The following VPS54 variants were observed in gnomAD, a reference collection of about 807,000 sequenced individuals.
The protein encoded by VPS54 is vacuolar protein sorting-associated protein 54.
VPS54 carries 45 observed loss-of-function variants against 121.5 expected under a neutral mutation model. The ratio of observed to expected loss-of-function variants is 0.37; its 90% confidence interval spans 0.29 to 0.47. The LOEUF (loss-of-function observed/expected upper bound fraction) is 0.47. VPS54 is among the 20% of genes least tolerant of loss of function. VPS54 has a pLI of 0.99. For missense variants in VPS54, 1,090 were observed against 1,131.4 expected, an observed-to-expected ratio of 0.96 and a Z score of 0.52; for synonymous variants, 371 against 385.8, an observed-to-expected ratio of 0.96 and a Z score of 0.45.
At chr2:64,003,656 C>T (rs1677989704) in intron 1 of VPS54, among the ~76,000 whole-genome samples, 1 of 151,850 alleles carries the variant, frequency 6.6e-6, no homozygotes, top group African/African-American at 2.4e-5. Flanking sequence ...GCCAATAATA[C>T]TTAAGTAATA....
In VPS54 at chr2:63,965,883, A is replaced by C. The variant is rs774958733; in HGVS notation, c.576T>G (p.Gly192=). The change falls in exon 6 of 23, where the codon GGT becomes GGG. Residue 192 remains glycine, a synonymous_variant. Coordinates refer to ENST00000272322, the MANE Select transcript of VPS54 (RefSeq NM_016516.3). ...AAGCTGCATCACGATTTCCTTTTCC[A>C]CCAGCAGTATTAAAATGAGACCATG... The part of the protein sequence containing the change: ...VLPWSHFNTA[G]GKGNRDAASS... The C allele has an allele frequency of 6.2e-7, 1 of 1,613,082 alleles. No homozygotes were observed. Among genetic ancestry groups the C allele is most frequent in the Middle Eastern group, 1.7e-4 (1 of 6,054 alleles).
chr2:63,935,492 G>T (rs1479377798), intron 11 of VPS54, among the ~76,000 whole-genome samples: 1 of 151,736 alleles, frequency 6.6e-6, no homozygotes, highest in African/African-American at 2.4e-5. Flanking sequence ...ATCTTGTTTT[G>T]CGTCTTTTTC....
chr2:63,940,049 C>A (rs545701699), intron 11 of VPS54, among the ~76,000 whole-genome samples: 11 of 152,126 alleles, frequency 7.2e-5, no homozygotes, highest in African/African-American at 2.7e-4. Context: ...AGCCATGGTG[C>A]CTGGCCCTGT....
At chr2:63,944,532 A>G in intron 10 of VPS54, 68 bp downstream of exon 10, 2 of 1,436,222 alleles carry the variant, frequency 1.4e-6, no homozygotes, top group Non-Finnish European at 1.9e-6. Context: ...TCTACTTCGA[A>G]TTATTCTAAT....
In VPS54 at chr2:63,981,888, C is replaced by T. The variant is rs1676816378; in HGVS notation, c.137-1G>A. 1.9e-6 allele frequency: 3 copies of T among 1,605,042 alleles called. No individual in the cohort carries two copies. The highest frequency in any genetic ancestry group is 2.6e-6 in the Non-Finnish European group (3 of 1,176,080). On this transcript the variant is annotated splice_acceptor_variant, in intron 2 of 22. Coordinates refer to ENST00000272322, the MANE Select transcript of VPS54 (RefSeq NM_016516.3). LOFTEE classifies it high-confidence loss of function. The stretch of plus-strand genomic sequence containing the variant: ...GCAACATATAAACTATGTGAATCAC[C>T]TGCAAAAAGTAAACAAGAGAACTCT...
intron 3 of VPS54, chr2:63,975,156 A>C (rs1676467016): frequency 9.2e-5 from 74 of 807,528 alleles, no homozygotes; most frequent in East Asian, 1.4e-4. Flanking sequence ...AGTGATTCTC[A>C]TGCCTCAGCC....
At chr2:63,915,178 A>AAAAAAG (rs1673325739) in intron 16 of VPS54, among the ~76,000 whole-genome samples, 1 of 148,528 alleles carries the variant, frequency 6.7e-6, no homozygotes, top group South Asian at 2.1e-4. Flanking sequence ...AAAAAAAAAA[A>AAAAAAG]GTTTTCCGAA....
At chr2:64,012,628 C>T (rs1678481155) in intron 1 of VPS54, among the ~76,000 whole-genome samples, 1 of 151,692 alleles carries the variant, frequency 6.6e-6, no homozygotes, top group African/African-American at 2.4e-5. Context: ...CTTCCTGCTT[C>T]ATCTGGGACC....
intron 11 of VPS54, among the ~76,000 whole-genome samples, chr2:63,935,882 C>A (rs531455818): frequency 6.6e-6 from 1 of 151,846 alleles, no homozygotes; most frequent in Non-Finnish European, 1.5e-5. Flanking sequence ...TTGGCTTAAT[C>A]GATAAAGGAA....
chr2:63,945,025 T>A (rs1458908457), intron 9 of VPS54, among the ~76,000 whole-genome samples: 1 of 152,086 alleles, frequency 6.6e-6, no homozygotes, highest in Non-Finnish European at 1.5e-5. Context: ...AATCCAGCAA[T>A]CCCATTACTG....
chr2:63,910,095 A>G (rs1346901554), intron 20 of VPS54, among the ~76,000 whole-genome samples: 1 of 152,196 alleles, frequency 6.6e-6, no homozygotes, highest in Non-Finnish European at 1.5e-5. Context: ...ATATTTTCAG[A>G]TTAGAACATG....
intron 16 of VPS54, among the ~76,000 whole-genome samples, chr2:63,914,561 T>C (rs1673294452): frequency 6.6e-6 from 1 of 152,124 alleles, no homozygotes; most frequent in African/African-American, 2.4e-5. Flanking sequence ...AGTGGCTCCT[T>C]AAATTCTGTA....
chr2:63,931,677 CT>C (rs2104479869), intron 12 of VPS54, among the ~76,000 whole-genome samples: 1 of 152,316 alleles, frequency 6.6e-6, no homozygotes, highest in East Asian at 1.9e-4. Context: ...AACGGAAGAG[CT>C]TCTGCACAGC....
At chr2:63,995,499 G>A (rs1677538444) in intron 1 of VPS54, among the ~76,000 whole-genome samples, 1 of 152,212 alleles carries the variant, frequency 6.6e-6, no homozygotes, top group Non-Finnish European at 1.5e-5. Flanking sequence ...TTTAATTGCT[G>A]TGATCATGGG....
intron 12 of VPS54, among the ~76,000 whole-genome samples, chr2:63,921,942 T>C (rs1673665584): frequency 6.6e-6 from 1 of 152,246 alleles, no homozygotes; most frequent in South Asian, 2.1e-4. Flanking sequence ...GGGACAGTTG[T>C]GCATAGGCAC....
intron 1 of VPS54, among the ~76,000 whole-genome samples, chr2:63,986,425 G>A (rs529935038): frequency 5.3e-5 from 8 of 152,206 alleles, no homozygotes; most frequent in East Asian, 1.9e-4. Flanking sequence ...TCCATCTGTT[G>A]CAAATGACAA....
At chr2:63,958,427 A>C (rs1324871930) in intron 7 of VPS54, among the ~76,000 whole-genome samples, 1 of 152,236 alleles carries the variant, frequency 6.6e-6, no homozygotes, top group Non-Finnish European at 1.5e-5. Context: ...CAACTATTAA[A>C]ATTCCTTTTT....
intron 11 of VPS54, among the ~76,000 whole-genome samples, chr2:63,941,277 T>G (rs1451229358): frequency 6.6e-6 from 1 of 152,138 alleles, no homozygotes; most frequent in Non-Finnish European, 1.5e-5. Context: ...CAGGCTGGAG[T>G]ACAGTGGCAC....
At chr2:63,972,307 G>A in intron 3 of VPS54, 63 bp from the exon 4 acceptor site, 2 of 1,286,710 alleles carry the variant, frequency 1.6e-6, no homozygotes, top group South Asian at 1.4e-5. Flanking sequence ...AAGCATGAAA[G>A]TGTTTTGCAA....
Sources: gnomAD v4.1 joint callset for allele counts (sites outside exome capture counted in the v4.1 genomes callset) on GRCh38, gnomAD v4.1.1 for gene constraint, MANE v1.5 for transcripts, NCBI Gene and HGNC (gene_info 2026-07-23, HGNC 2026-07-21) for gene names.